IGF1R: variants seen among roughly 807,000 people sequenced by gnomAD.
The protein encoded by IGF1R is insulin like growth factor 1 receptor.
A neutral mutation model predicts 144.6 loss-of-function variants in IGF1R; 44 were observed. That is an observed-to-expected ratio of 0.30 (90% confidence interval 0.24 to 0.39). The LOEUF is 0.39. Among genes scored for constraint, IGF1R ranks in the 10% least tolerant of loss-of-function variants. The pLI, the probability that IGF1R is intolerant of heterozygous loss-of-function variation, is 1.00. For synonymous variants in IGF1R, 795 were observed against 722.8 expected (o/e 1.10, Z -1.60); for missense variants, 1,355 against 1,833.7 (o/e 0.74, Z 4.77).
At chr15:98,932,464 G>C (rs532745206) in intron 15 of IGF1R, among the ~76,000 whole-genome samples, 2 of 152,326 alleles carry the variant, frequency 1.3e-5, no homozygotes, top group East Asian at 3.9e-4. Flanking sequence ...CACTGGGGAC[G>C]CCTGCTTAAA....
rs539861894 is a variant in IGF1R at position 98,752,840 on chromosome 15, C to T, written c.640+44733C>T. Among the ~76,000 whole-genome samples, 5 of 151,700 alleles carry T rather than the reference C, an allele frequency of 3.3e-5. No homozygotes were observed. In the South Asian group the frequency reaches 1.0e-3, roughly 32 times the overall value. ...TTTAGTTAAAATGCATTATTTCAATCAATATCAAATATTGCAGAAGGAAAA... is the reference window on the plus strand; with the variant it reads ...TTTAGTTAAAATGCATTATTTCAATTAATATCAAATATTGCAGAAGGAAAA... On this transcript the variant is annotated intron_variant, in intron 2 of 20. Coordinates refer to ENST00000650285, the MANE Select transcript of IGF1R (RefSeq NM_000875.5).
chr15:98,939,151 G>GA lies in IGF1R; in HGVS notation c.3298-40dup, dbSNP rs199531568. 5.1e-3 allele frequency: 7,214 copies of GA among 1,420,626 alleles called. 57 individuals are homozygous for GA. The highest frequency in any genetic ancestry group is 0.046 in the African/African-American group (3,248 of 70,112). 88.0% of individuals were successfully genotyped at this position (1,420,626 alleles called of 1,614,324 possible). On this transcript the variant is annotated intron_variant, in intron 17 of 20. Transcript: ENST00000650285. ...GCAAACCTCGAAAGAAATTGGCATG[G>GA]AAAAAAAAAATCCAAAATTCTCATG... is the stretch of plus-strand genomic sequence containing the variant.
chr15:98,850,838 C>T (rs901142353), intron 2 of IGF1R, among the ~76,000 whole-genome samples: 7 of 151,990 alleles, frequency 4.6e-5, no homozygotes, highest in Non-Finnish European at 8.8e-5. Flanking sequence ...TTGGACAAGA[C>T]GAGAACTGAG....
In IGF1R at chr15:98,957,139, A is replaced by G; in HGVS notation, c.3801A>G (p.Lys1267=). Residue 1267 remains lysine (K), a synonymous_variant, in exon 21 of 21, where the codon AAA becomes AAG. Coordinates refer to ENST00000650285, the MANE Select transcript of IGF1R (RefSeq NM_000875.5). ...TCCTGGAGATCATCAGCAGCATCAA[A>G]GAGGAGATGGAGCCTGGCTTCCGGG... ...PSFLEIISSI[K]EEMEPGFREV... 1 of 1,614,230 alleles carries G rather than the reference A, an allele frequency of 6.2e-7. No homozygotes were observed.
intron 2 of IGF1R, among the ~76,000 whole-genome samples, chr15:98,870,696 A>G (rs1050491713): frequency 6.6e-6 from 1 of 152,246 alleles, no homozygotes; most frequent in Non-Finnish European, 1.5e-5. Context: ...ACACAGCCGC[A>G]TCCCAGAAGC....
At chr15:98,894,471 A>C (rs1596406465) in intron 3 of IGF1R, among the ~76,000 whole-genome samples, 2 of 152,234 alleles carry the variant, frequency 1.3e-5, no homozygotes, top group East Asian at 3.8e-4. Context: ...ACACCATGGA[A>C]TATTATTACT....
rs2052267590 is a variant in IGF1R at position 98,649,001 on chromosome 15, C to G, written c.-581C>G. Reference sequence around the variant, plus strand: ...GGAGCTCGCCGCGGCGGCGGCGGCGCTGAGGGAGGAGGCGGCGGCGAGCGG... The same window carrying G: ...GGAGCTCGCCGCGGCGGCGGCGGCGGTGAGGGAGGAGGCGGCGGCGAGCGG... On this transcript the variant is annotated 5_prime_UTR_variant, in exon 1 of 21. Transcript: ENST00000650285. 4.6e-6 allele frequency: 1 copy of G among 215,916 alleles called. No homozygotes were observed. The highest frequency in any genetic ancestry group is 9.1e-6 in the Non-Finnish European group (1 of 109,460). 13.4% of individuals were successfully genotyped at this position (215,916 alleles called of 1,614,324 possible). A position where few individuals can be genotyped will look rare whatever the true frequency, so the allele number is the denominator to read the frequency against.
In IGF1R at chr15:98,774,451, C is replaced by A. The variant is rs115329136; in HGVS notation, c.640+66344C>A. Among the ~76,000 whole-genome samples, 818 of 152,140 alleles carry A rather than the reference C, an allele frequency of 5.4e-3. 8 individuals carry two copies. Among genetic ancestry groups the A allele is most frequent in the African/African-American group, 0.019 (788 of 41,500 alleles). ...CATGGAAAATGCAGGGTTTGACTAT[C>A]GAGTTTAGATTTTAAAGTTGAGGAT... is the stretch of plus-strand genomic sequence containing the variant. On this transcript the variant is annotated intron_variant, in intron 2 of 20. Transcript: ENST00000650285.
At chr15:98,921,537 G>A (rs1215595819) in intron 10 of IGF1R, among the ~76,000 whole-genome samples, 1 of 152,144 alleles carries the variant, frequency 6.6e-6, no homozygotes, top group African/African-American at 2.4e-5. Flanking sequence ...CCTGCAGAGT[G>A]TAGCAAGCAC....
At chr15:98,920,351 C>T (rs957958409) in intron 10 of IGF1R, among the ~76,000 whole-genome samples, 50 of 152,168 alleles carry the variant, frequency 3.3e-4, no homozygotes, top group African/African-American at 1.2e-3. Flanking sequence ...TGTGCAGTCC[C>T]TAAAAGTGTG....
chr15:98,692,617 A>G (rs2141234485), intron 1 of IGF1R, among the ~76,000 whole-genome samples: 1 of 152,346 alleles, frequency 6.6e-6, no homozygotes, highest in South Asian at 2.1e-4. Flanking sequence ...TTCCAGTAAC[A>G]TTTGGAAACT....
intron 2 of IGF1R, among the ~76,000 whole-genome samples, chr15:98,734,461 C>T (rs1302680936): frequency 6.6e-6 from 1 of 152,138 alleles, no homozygotes; most frequent in Non-Finnish European, 1.5e-5. Flanking sequence ...TTGTACCCAG[C>T]ACTGCCCAGA....
intron 2 of IGF1R, among the ~76,000 whole-genome samples, chr15:98,868,596 A>G (rs1209499875): frequency 6.6e-6 from 1 of 152,098 alleles, no homozygotes; most frequent in East Asian, 1.9e-4. Flanking sequence ...GGTTAGAAGC[A>G]CTGACCCTGA....
Position 98,922,292 on chromosome 15 carries a change from G to A in IGF1R, c.2346G>A (p.Val782=). ...ETEYPFFESR[V]DNKERTVISN... ...AGTACCCTTTCTTTGAGAGCAGAGT[G>A]GATAACAAGGAGAGAACTGTCATTT... The change falls in exon 11 of 21, where the codon GTG becomes GTA. Residue 782 remains valine, a synonymous_variant. Transcript: ENST00000650285. 1.9e-6 allele frequency: 3 copies of A among 1,614,154 alleles called. No homozygotes were observed. In the African/African-American group the frequency reaches 4.0e-5, roughly 22 times the overall value.
In IGF1R at chr15:98,873,368, C is replaced by T. The variant is rs755232541; in HGVS notation, c.641-17957C>T. ...TTGTATTTTTGATGGCCATCCTAGTCCAGTGTAAAGATATGGACAAGAAAC... is the reference window on the plus strand; with the variant it reads ...TTGTATTTTTGATGGCCATCCTAGTTCAGTGTAAAGATATGGACAAGAAAC... On this transcript the variant is annotated intron_variant, in intron 2 of 20. Transcript: ENST00000650285. Among the ~76,000 whole-genome samples, 31 of 152,184 alleles carry T rather than the reference C, an allele frequency of 2.0e-4. 1 individual carries two copies. Among genetic ancestry groups the T allele is most frequent in the South Asian group, 6.2e-4 (3 of 4,824 alleles).
intron 15 of IGF1R, 28 bp from the exon 16 acceptor site, chr15:98,934,796 C>T (rs2151707720): frequency 1.3e-6 from 2 of 1,592,944 alleles, no homozygotes; most frequent in African/African-American, 1.3e-5. Flanking sequence ...TGTTTCTGTA[C>T]CTGCTTTAAT....
intron 2 of IGF1R, among the ~76,000 whole-genome samples, chr15:98,793,636 CATT>C (rs2056175073): frequency 6.6e-6 from 1 of 152,218 alleles, no homozygotes; most frequent in Non-Finnish European, 1.5e-5. Flanking sequence ...AAATATGTCA[CATT>C]ATCCCTTGCT....
chr15:98,788,301 A>G (rs1230371491), intron 2 of IGF1R, among the ~76,000 whole-genome samples: 3 of 152,076 alleles, frequency 2.0e-5, no homozygotes, highest in Non-Finnish European at 4.4e-5. Context: ...GAGCATTTTA[A>G]AGATGTAGGA....
chr15:98,827,201 T>G (rs1227926772), intron 2 of IGF1R, among the ~76,000 whole-genome samples: 1 of 152,206 alleles, frequency 6.6e-6, no homozygotes, highest in Non-Finnish European at 1.5e-5. Context: ...GCTGTTGTTT[T>G]CATATTTGTA....
Sources: gnomAD v4.1 joint callset for allele counts (sites outside exome capture counted in the v4.1 genomes callset) on GRCh38, gnomAD v4.1.1 for gene constraint, MANE v1.5 for transcripts, NCBI Gene and HGNC (gene_info 2026-07-23, HGNC 2026-07-21) for gene names.